The following EPB41L4A variants were observed in gnomAD, a reference collection of about 807,000 sequenced individuals.
EPB41L4A encodes the protein erythrocyte membrane protein band 4.1 like 4A.
EPB41L4A carries 100 observed loss-of-function variants against 108.6 expected under a neutral mutation model. The observed-to-expected ratio is 0.92, with a 90% CI of 0.78 to 1.09. The LOEUF is 1.09. Among genes scored for constraint, EPB41L4A ranks in the 50% least tolerant of loss-of-function variants. The pLI is 0.00. For missense variants in EPB41L4A, 1,030 were observed against 842.7 expected (o/e 1.22, Z -2.75); for synonymous variants, 319 against 289.0 (o/e 1.10, Z -1.05).
rs78620124 is a variant in EPB41L4A at position 112,289,890 on chromosome 5, A to T, written c.205-9567T>A. Reference sequence around the variant, plus strand: ...ATTTTGAGAGGGCTAGTTACACAACAAAGAGTAACTGGAGCACTTCCCAAT... The same window carrying T: ...ATTTTGAGAGGGCTAGTTACACAACTAAGAGTAACTGGAGCACTTCCCAAT... On this transcript the variant is annotated intron_variant, in intron 2 of 22. Coordinates refer to ENST00000261486, the MANE Select transcript of EPB41L4A (RefSeq NM_022140.5). 4.2e-3 allele frequency among the ~76,000 whole-genome samples: 645 copies of T among 152,370 alleles called. 5 individuals are homozygous for T. Among genetic ancestry groups the T allele is most frequent in the African/African-American group, 0.015 (608 of 41,590 alleles).
intron 1 of EPB41L4A, among the ~76,000 whole-genome samples, chr5:112,355,496 C>G (rs1758307178): frequency 6.6e-6 from 1 of 152,156 alleles, no homozygotes; most frequent in Non-Finnish European, 1.5e-5. Flanking sequence ...ATGTGTTTAT[C>G]TATCAGCACA....
chr5:112,161,283 A>T (rs1235499035), downstream of EPB41L4A: 5 of 338,714 alleles, frequency 1.5e-5, no homozygotes, highest in Non-Finnish European at 2.9e-5. Context: ...GGGAGTGATC[A>T]CCTACCCTAC....
intron 15 of EPB41L4A, among the ~76,000 whole-genome samples, chr5:112,198,192 G>C (rs768376409): frequency 6.6e-6 from 1 of 151,856 alleles, no homozygotes; most frequent in African/African-American, 2.4e-5. Flanking sequence ...GCACCACCAC[G>C]CCTGGCTAGT....
chr5:112,196,127 C>G (rs17134225), intron 15 of EPB41L4A, among the ~76,000 whole-genome samples: 12,611 of 152,122 alleles, frequency 0.083, 1,522 homozygotes, highest in African/African-American at 0.26. Context: ...CTCATACTTA[C>G]GACTTTATCA....
rs1761870348 is a variant in EPB41L4A at position 112,194,627 on chromosome 5, G to A, written c.1443C>T (p.Asn481=). ...KQRRRSRSRC[N]TSSGSESENS... ...TTTCTGATTCACTACCACTGCTGGTGTTACAGCGTGAACGTGACCTGAAGA... is the reference window on the plus strand; with the variant it reads ...TTTCTGATTCACTACCACTGCTGGTATTACAGCGTGAACGTGACCTGAAGA... The change falls in exon 17 of 23, where the codon AAC becomes AAT. Residue 481 remains asparagine (N), a synonymous_variant. Transcript: ENST00000261486. The A allele has an allele frequency of 1.2e-6, 2 of 1,605,180 alleles. No individual in the cohort carries two copies. Among genetic ancestry groups the A allele is most frequent in the African/African-American group, 2.7e-5 (2 of 74,450 alleles).
chr5:112,264,841 T>G, intron 6 of EPB41L4A, 55 bp downstream of exon 6: 1 of 1,552,408 alleles, frequency 6.4e-7, no homozygotes. Flanking sequence ...CTTGTGAATA[T>G]CAGAAGATGA....
chr5:112,212,597 C>G (rs1747269944), intron 12 of EPB41L4A, among the ~76,000 whole-genome samples: 1 of 152,064 alleles, frequency 6.6e-6, no homozygotes, highest in Admixed American at 6.6e-5. Flanking sequence ...GCCCAGCCCC[C>G]TAACATTAGT....
At chr5:112,240,645 C>T in intron 10 of EPB41L4A, 74 bp downstream of exon 10, 1 of 825,332 alleles carries the variant, frequency 1.2e-6, no homozygotes, top group Non-Finnish European at 1.9e-6. Flanking sequence ...CTGTTTTAGA[C>T]AGAATTCTTT....
chr5:112,406,890 A>G (rs1369192506), intron 1 of EPB41L4A, among the ~76,000 whole-genome samples: 4 of 152,074 alleles, frequency 2.6e-5, no homozygotes, highest in Non-Finnish European at 5.9e-5. Context: ...GATGACTCCA[A>G]ATGTCCATGT....
intron 13 of EPB41L4A, among the ~76,000 whole-genome samples, 178 bp from the exon 14 acceptor site, chr5:112,205,682 G>C (rs2150300792): frequency 6.6e-6 from 1 of 152,280 alleles, no homozygotes; most frequent in South Asian, 2.1e-4. Flanking sequence ...TCTGTCTCCA[G>C]CAAGTACCTT....
rs373495578 is a variant in EPB41L4A at position 112,275,317 on chromosome 5, A to G, written c.335+9T>C. On this transcript the variant is annotated intron_variant, in intron 4 of 22. Coordinates refer to ENST00000261486, the MANE Select transcript of EPB41L4A (RefSeq NM_022140.5). Reference sequence around the variant, plus strand: ...ATGTATCTGTTCAAAAACAAAGTCAATACTATACCTGGTTATTTCTTCTTT... The same window carrying G: ...ATGTATCTGTTCAAAAACAAAGTCAGTACTATACCTGGTTATTTCTTCTTT... 1.9e-6 allele frequency: 3 copies of G among 1,540,964 alleles called. No individual in the cohort carries two copies. Among genetic ancestry groups the G allele is most frequent in the East Asian group, 2.4e-5 (1 of 41,848 alleles).
At chr5:112,338,328 G>A (rs1282282257) in intron 1 of EPB41L4A, among the ~76,000 whole-genome samples, 1 of 152,006 alleles carries the variant, frequency 6.6e-6, no homozygotes, top group African/African-American at 2.4e-5. Context: ...TCTTTGTGGG[G>A]AGCCCTTTCT....
At chr5:112,409,434 A>G (rs957144466) in intron 1 of EPB41L4A, among the ~76,000 whole-genome samples, 15 of 152,192 alleles carry the variant, frequency 9.9e-5, no homozygotes, top group African/African-American at 3.6e-4. Context: ...TTCCGTAAAT[A>G]TATGAACAAC....
At chr5:112,251,558 G>A (rs905199876) in intron 9 of EPB41L4A, among the ~76,000 whole-genome samples, 1 of 152,002 alleles carries the variant, frequency 6.6e-6, no homozygotes, top group African/African-American at 2.4e-5. Flanking sequence ...CTACTTTTAG[G>A]AAAGAAAGAA....
intron 4 of EPB41L4A, chr5:112,275,095 G>A (rs2077010279): frequency 2.4e-6 from 1 of 412,636 alleles, no homozygotes. Context: ...CACAGCAGAT[G>A]CAAAATGTAT....
At chr5:112,252,327 G>C (rs1346393192) in intron 9 of EPB41L4A, among the ~76,000 whole-genome samples, 1 of 152,104 alleles carries the variant, frequency 6.6e-6, no homozygotes, top group Non-Finnish European at 1.5e-5. Context: ...AAGAATCAAA[G>C]TCGCCCTAGT....
chr5:112,310,186 G>A (rs150827254), intron 1 of EPB41L4A, among the ~76,000 whole-genome samples: 14 of 152,266 alleles, frequency 9.2e-5, no homozygotes, highest in East Asian at 7.7e-4. Context: ...ATACAGGCTG[G>A]TTCTTAGCTA....
chr5:112,353,007 T>C (rs747269092), intron 1 of EPB41L4A, among the ~76,000 whole-genome samples: 3 of 152,170 alleles, frequency 2.0e-5, no homozygotes, highest in Admixed American at 6.5e-5. Flanking sequence ...ATCTATAGTG[T>C]TGGTTAGGTA....
chr5:112,263,079 A>G (rs1027056018), intron 6 of EPB41L4A, among the ~76,000 whole-genome samples: 2 of 152,252 alleles, frequency 1.3e-5, no homozygotes, highest in Admixed American at 1.3e-4. Context: ...ATTAACGTAC[A>G]GAGATTGTAA....
Sources: allele counts gnomAD v4.1 joint callset (sites outside exome capture counted in the v4.1 genomes callset), GRCh38; gene constraint gnomAD v4.1.1; transcripts MANE v1.5; gene names NCBI Gene and HGNC (gene_info 2026-07-23, HGNC 2026-07-21).